Variants in SPATA16 observed in about 807,000 individuals in gnomAD.
SPATA16 encodes spermatogenesis associated 16.
A neutral mutation model predicts 63.3 loss-of-function variants in SPATA16; 36 were observed. The observed-to-expected ratio is 0.57, with a 90% confidence interval of 0.44 to 0.75. The LOEUF (loss-of-function observed/expected upper bound fraction) is 0.75, where lower values mean the gene tolerates loss of function less well. Ranked by LOEUF, SPATA16 falls within the 30% of genes least tolerant of loss-of-function variation. The pLI is 0.00. For synonymous variants in SPATA16, 203 were observed against 216.7 expected (o/e 0.94, Z 0.56); for missense variants, 646 against 679.3 (o/e 0.95, Z 0.54).
intron 5 of SPATA16, among the ~76,000 whole-genome samples, 199 bp from the exon 6 acceptor site, chr3:172,957,023 T>G (rs189773685): frequency 2.6e-5 from 4 of 152,270 alleles, no homozygotes; most frequent in Admixed American, 1.3e-4. Flanking sequence ...AGAAAACCAA[T>G]TAAATGAAGA....
At chr3:173,075,079 G>T (rs1413674921) in intron 2 of SPATA16, among the ~76,000 whole-genome samples, 1 of 149,466 alleles carries the variant, frequency 6.7e-6, no homozygotes, top group East Asian at 2.0e-4. Flanking sequence ...GAGATCGTTT[G>T]TATCCTAAAC....
chr3:173,074,552 G>A (rs1736743238), intron 2 of SPATA16, among the ~76,000 whole-genome samples: 1 of 152,074 alleles, frequency 6.6e-6, no homozygotes, highest in African/African-American at 2.4e-5. Context: ...CGTGCCTTTT[G>A]CCTTCCACCA....
chr3:172,924,569 A>G (rs1372399179), intron 7 of SPATA16, among the ~76,000 whole-genome samples: 2 of 152,164 alleles, frequency 1.3e-5, no homozygotes, highest in Admixed American at 1.3e-4. Flanking sequence ...GATCTAAGAG[A>G]CAGCCTATAA....
chr3:172,898,212 G>A (rs933390832), intron 10 of SPATA16, among the ~76,000 whole-genome samples: 14 of 151,724 alleles, frequency 9.2e-5, no homozygotes, highest in South Asian at 4.1e-4. Context: ...GATTTTTTGC[G>A]TACTATTTTT....
chr3:172,973,540 ACACACACATGAAAACTTT>A (rs1734091424), intron 5 of SPATA16, among the ~76,000 whole-genome samples: 1 of 152,138 alleles, frequency 6.6e-6, no homozygotes, highest in Non-Finnish European at 1.5e-5. Context: ...TGAGTTAAAG[ACACACACATGAAAACTTT>A]TGTGCCTCAG....
chr3:172,949,749 T>G (rs1312172450), intron 6 of SPATA16, among the ~76,000 whole-genome samples: 5 of 151,910 alleles, frequency 3.3e-5, no homozygotes, highest in Admixed American at 3.3e-4. Flanking sequence ...ACCGAGATAA[T>G]GGGGATGGGT....
intron 2 of SPATA16, among the ~76,000 whole-genome samples, chr3:173,093,479 T>C (rs1340952667): frequency 6.6e-6 from 1 of 152,180 alleles, no homozygotes; most frequent in Non-Finnish European, 1.5e-5. Flanking sequence ...CTTTGGATTA[T>C]ATCCCCAGAG....
chr3:172,956,650 T>C (rs774297969), intron 6 of SPATA16, 27 bp downstream of exon 6: 9 of 1,606,104 alleles, frequency 5.6e-6, no homozygotes, highest in East Asian at 4.5e-5. Flanking sequence ...AAATATCAGC[T>C]GATAACTTGA....
chr3:173,056,102 C>G (rs1490132525), intron 2 of SPATA16, among the ~76,000 whole-genome samples: 2 of 152,048 alleles, frequency 1.3e-5, no homozygotes, highest in African/African-American at 4.8e-5. Context: ...AGTAACAACT[C>G]ATAATGAGGT....
chr3:173,073,732 C>T (rs893568415), intron 2 of SPATA16, among the ~76,000 whole-genome samples: 12 of 152,234 alleles, frequency 7.9e-5, no homozygotes, highest in African/African-American at 2.7e-4. Context: ...TTGAAACCCC[C>T]ACACAGAGTC....
intron 2 of SPATA16, among the ~76,000 whole-genome samples, chr3:173,093,475 A>G (rs562977306): frequency 3.9e-4 from 60 of 152,130 alleles, no homozygotes; most frequent in Non-Finnish European, 2.8e-4. Context: ...TCTGCTTTGG[A>G]TTATATCCCC....
chr3:173,037,033 C>T (rs370414663), intron 3 of SPATA16, among the ~76,000 whole-genome samples: 3 of 151,752 alleles, frequency 2.0e-5, no homozygotes, highest in Non-Finnish European at 2.9e-5. Flanking sequence ...AAAAATGTAA[C>T]GACGTTAAAA....
intron 6 of SPATA16, among the ~76,000 whole-genome samples, chr3:172,931,120 G>A (rs114333304): frequency 0.034 from 5,168 of 152,170 alleles, 285 homozygotes; most frequent in African/African-American, 0.12. Flanking sequence ...CACCGTGCTC[G>A]GCCTCAAACT....
chr3:172,969,830 G>A (rs1031902641), intron 5 of SPATA16, among the ~76,000 whole-genome samples: 3 of 152,270 alleles, frequency 2.0e-5, no homozygotes, highest in African/African-American at 7.2e-5. Context: ...TGTTAGAAAC[G>A]ATGGTATGAG....
chr3:173,125,595 A>G (rs894893193), intron 1 of SPATA16, among the ~76,000 whole-genome samples: 2 of 152,318 alleles, frequency 1.3e-5, no homozygotes, highest in Non-Finnish European at 1.5e-5. Context: ...GGGCTAGACT[A>G]TTGTTTCCAC....
At chr3:172,938,485 G>T (rs1479590088) in intron 6 of SPATA16, among the ~76,000 whole-genome samples, 1 of 152,134 alleles carries the variant, frequency 6.6e-6, no homozygotes, top group Non-Finnish European at 1.5e-5. Flanking sequence ...TACAAGGTTG[G>T]GTGGACCAAA....
chr3:173,051,914 C>T (rs868694412), intron 2 of SPATA16, among the ~76,000 whole-genome samples: 33 of 151,878 alleles, frequency 2.2e-4, no homozygotes, highest in East Asian at 3.9e-4. Context: ...CAAGTTCAAG[C>T]GATTCTCCTG....
chr3:173,065,357 T>C (rs1485734870), intron 2 of SPATA16, among the ~76,000 whole-genome samples: 1 of 152,186 alleles, frequency 6.6e-6, no homozygotes, highest in Non-Finnish European at 1.5e-5. Flanking sequence ...TGTTGCTTCT[T>C]AGTTCAAATG....
rs767985077 is a variant in SPATA16 at position 173,019,496 on chromosome 3, C to T, written c.838G>A (p.Glu280Lys). The T allele has an allele frequency of 1.9e-5, 30 of 1,613,874 alleles. No individual in the cohort carries two copies. The highest frequency in any genetic ancestry group is 2.4e-5 in the Non-Finnish European group (28 of 1,179,918). The change falls in exon 4 of 11, where the codon GAG becomes AAG. Residue 280 changes from glutamate (E) to lysine (K), a missense_variant. Physicochemically the swap from Glu to Lys is moderately conservative, Grantham distance 56. Transcript: ENST00000351008. ...TVFRCLERYSEAARSAMIADY... is the reference protein window; with the variant it reads ...TVFRCLERYSKAARSAMIADY... ...TTAAAACAAACATACCGGGCAGCCT[C>T]TGAATACCTCTCCAGACATCTAAAC...
Sources: gnomAD v4.1 joint callset for allele counts (sites outside exome capture counted in the v4.1 genomes callset) on GRCh38, gnomAD v4.1.1 for gene constraint, MANE v1.5 for transcripts, NCBI Gene and HGNC (gene_info 2026-07-23, HGNC 2026-07-21) for gene names.